ADAM23: variants seen among roughly 807,000 people sequenced by gnomAD.
ADAM23 encodes the protein ADAM metallopeptidase domain 23, also known as disintegrin and metalloproteinase domain-containing protein 23.
Under a neutral mutation model 120.1 loss-of-function variants are expected in ADAM23, and 33 were observed. That is an observed-to-expected ratio of 0.27 (90% CI 0.21 to 0.37). The LOEUF is 0.37. ADAM23 is among the 10% of genes least tolerant of loss of function. The probability of loss-of-function intolerance (pLI) is 1.00; values close to 1 mark genes in which losing one functional copy is unlikely to be tolerated. For synonymous variants in ADAM23, 367 were observed against 375.2 expected (o/e 0.98, Z 0.25); for missense variants, 862 against 1,058.2 (o/e 0.81, Z 2.57).
intron 2 of ADAM23, among the ~76,000 whole-genome samples, chr2:206,479,927 T>A (rs1382755301): frequency 6.6e-6 from 1 of 152,184 alleles, no homozygotes; most frequent in Non-Finnish European, 1.5e-5. Context: ...AAAGTATAAG[T>A]CATGGTTTAT....
intron 3 of ADAM23, among the ~76,000 whole-genome samples, chr2:206,501,057 G>T (rs1696378225): frequency 6.6e-6 from 1 of 151,332 alleles, no homozygotes; most frequent in Non-Finnish European, 1.5e-5. Context: ...ACAGGCTACT[G>T]AATTGAAAAG....
intron 2 of ADAM23, among the ~76,000 whole-genome samples, chr2:206,452,503 T>A (rs1267731332): frequency 6.6e-6 from 1 of 152,124 alleles, no homozygotes; most frequent in Non-Finnish European, 1.5e-5. Context: ...CTCTTTACAG[T>A]TGGTGAAAAA....
chr2:206,511,788 ATTTTTTATTCCTCT>A (rs1397499730), intron 3 of ADAM23, among the ~76,000 whole-genome samples: 4 of 152,168 alleles, frequency 2.6e-5, no homozygotes, highest in Non-Finnish European at 4.4e-5. Context: ...ATGTGTAGTA[ATTTTTTATTCCTCT>A]TTTTTTATTC....
At chr2:206,458,587 A>G (rs1342579379) in intron 2 of ADAM23, among the ~76,000 whole-genome samples, 2 of 152,204 alleles carry the variant, frequency 1.3e-5, no homozygotes, top group African/African-American at 2.4e-5. Flanking sequence ...CTTTGCCTAT[A>G]ATCAGGGCAC....
At chr2:206,508,192 G>A (rs1353886873) in intron 3 of ADAM23, among the ~76,000 whole-genome samples, 2 of 152,062 alleles carry the variant, frequency 1.3e-5, no homozygotes, top group Non-Finnish European at 2.9e-5. Flanking sequence ...ACCACGCCCA[G>A]CTAATTTTTT....
At chr2:206,480,203 T>C (rs1695866686) in intron 2 of ADAM23, among the ~76,000 whole-genome samples, 1 of 152,144 alleles carries the variant, frequency 6.6e-6, no homozygotes, top group South Asian at 2.1e-4. Flanking sequence ...GTGGGACGCC[T>C]TTGAAGGATG....
chr2:206,502,494 GA>G (rs1424374113), intron 3 of ADAM23, among the ~76,000 whole-genome samples: 1 of 152,060 alleles, frequency 6.6e-6, no homozygotes, highest in African/African-American at 2.4e-5. Context: ...CTGTAGAAAA[GA>G]AGTCAAACAC....
At chr2:206,535,056 T>A (rs1255003835) in intron 4 of ADAM23, among the ~76,000 whole-genome samples, 5 of 152,000 alleles carry the variant, frequency 3.3e-5, no homozygotes, top group Non-Finnish European at 7.4e-5. Flanking sequence ...CCCACATGTG[T>A]GTATGTGGCT....
chr2:206,465,476 G>A (rs893489377), intron 2 of ADAM23, among the ~76,000 whole-genome samples: 5 of 152,116 alleles, frequency 3.3e-5, no homozygotes, highest in African/African-American at 1.2e-4. Context: ...TTTTTGCCAA[G>A]ATAAAAGTGT....
chr2:206,518,637 C>T (rs1279707422), intron 3 of ADAM23, among the ~76,000 whole-genome samples: 1 of 152,142 alleles, frequency 6.6e-6, no homozygotes, highest in Non-Finnish European at 1.5e-5. Context: ...TTTAGCAGAT[C>T]TTGATCATTA....
chr2:206,515,702 A>G (rs1486773607), intron 3 of ADAM23, among the ~76,000 whole-genome samples: 3 of 152,076 alleles, frequency 2.0e-5, no homozygotes, highest in Non-Finnish European at 2.9e-5. Context: ...TTTAATATAA[A>G]TGGACTCCTA....
In ADAM23 at chr2:206,567,247, A is replaced by T. The variant is rs1697904047; in HGVS notation, c.1419A>T (p.Ser473=). Residue 473 remains serine, a synonymous_variant, in exon 15 of 26, where the codon TCA becomes TCT. Coordinates refer to ENST00000264377, the MANE Select transcript of ADAM23 (RefSeq NM_003812.4). The stretch of plus-strand genomic sequence containing the variant: ...GGGTGTCCCATTCTCGAAAATTTTC[A>T]AAGTGCAGCATTTTGGAGTATAGAG... ...ETGVSHSRKF[S]KCSILEYRDF... 6.2e-7 allele frequency: 1 copy of T among 1,613,634 alleles called. No individual in the cohort carries two copies. Among genetic ancestry groups the T allele is most frequent in the African/African-American group, 1.3e-5 (1 of 74,934 alleles).
intron 24 of ADAM23, among the ~76,000 whole-genome samples, chr2:206,601,699 A>C (rs1284874993): frequency 6.6e-6 from 1 of 151,470 alleles, no homozygotes; most frequent in Non-Finnish European, 1.5e-5. Flanking sequence ...ACCTAATCCC[A>C]TGAGGCAGAG....
chr2:206,582,812 A>G (rs1484281961), intron 18 of ADAM23, among the ~76,000 whole-genome samples: 2 of 152,156 alleles, frequency 1.3e-5, no homozygotes, highest in Non-Finnish European at 2.9e-5. Context: ...TCTTTCATAT[A>G]TGATGCTTAC....
intron 15 of ADAM23, among the ~76,000 whole-genome samples, chr2:206,570,537 C>T (rs1209794368): frequency 6.6e-6 from 1 of 152,038 alleles, no homozygotes; most frequent in East Asian, 1.9e-4. Context: ...AGATATTGCC[C>T]CATTTCAGAT....
chr2:206,590,407 T>C (rs1007347373), intron 21 of ADAM23, among the ~76,000 whole-genome samples: 6 of 152,154 alleles, frequency 3.9e-5, no homozygotes, highest in Non-Finnish European at 7.4e-5. Context: ...CTGATATTTA[T>C]TTGATTAGTT....
intron 4 of ADAM23, among the ~76,000 whole-genome samples, chr2:206,532,206 A>C (rs1453182880): frequency 1.3e-5 from 2 of 152,116 alleles, no homozygotes; most frequent in Non-Finnish European, 2.9e-5. Context: ...AGCACTGCAG[A>C]TGCTGAATCA....
At chr2:206,565,698 G>A (rs1697862639) in intron 14 of ADAM23, among the ~76,000 whole-genome samples, 1 of 152,132 alleles carries the variant, frequency 6.6e-6, no homozygotes, top group African/African-American at 2.4e-5. Context: ...GGGAGCCACT[G>A]CCCCCAGACC....
At chr2:206,510,924 G>A (rs1696610401) in intron 3 of ADAM23, among the ~76,000 whole-genome samples, 2 of 152,158 alleles carry the variant, frequency 1.3e-5, no homozygotes, top group South Asian at 4.1e-4. Flanking sequence ...ACATGGTATA[G>A]TTTTTTGAGC....
Sources: gnomAD v4.1 joint callset for allele counts (sites outside exome capture counted in the v4.1 genomes callset) on GRCh38, gnomAD v4.1.1 for gene constraint, MANE v1.5 for transcripts, NCBI Gene and HGNC (gene_info 2026-07-23, HGNC 2026-07-21) for gene names.